TFDP2: variants seen among roughly 807,000 people sequenced by gnomAD.
TFDP2 encodes transcription factor Dp-2 (E2F dimerization partner 2).
In TFDP2, 17 loss-of-function variants were observed where a neutral mutation model predicts 59.3. The observed-to-expected ratio is 0.29, with a 90% confidence interval of 0.20 to 0.43. The LOEUF is 0.43. TFDP2 is among the 20% of genes least tolerant of loss of function. The pLI, the probability that TFDP2 is intolerant of heterozygous loss-of-function variation, is 1.00. For synonymous variants in TFDP2, 180 were observed against 194.7 expected (o/e 0.92, Z 0.63); for missense variants, 391 against 528.8 (o/e 0.74, Z 2.56).
At chr3:142,023,944 G>C (rs908468114) in intron 3 of TFDP2, among the ~76,000 whole-genome samples, 1 of 152,150 alleles carries the variant, frequency 6.6e-6, no homozygotes, top group South Asian at 2.1e-4. Flanking sequence ...GGGACCACAG[G>C]TGCGTGCCAC....
intron 3 of TFDP2, among the ~76,000 whole-genome samples, chr3:142,010,252 C>T (rs1056272520): frequency 6.6e-6 from 1 of 152,024 alleles, no homozygotes; most frequent in Non-Finnish European, 1.5e-5. Context: ...AAAATAAATC[C>T]GGTATATGAA....
At chr3:142,022,144 G>A (rs750017175) in intron 3 of TFDP2, among the ~76,000 whole-genome samples, 3 of 151,998 alleles carry the variant, frequency 2.0e-5, no homozygotes, top group African/African-American at 4.8e-5. Flanking sequence ...AATCCTTCCC[G>A]GCAGTTCTTC....
chr3:141,953,023 G>A lies in TFDP2; in HGVS notation c.1052-7C>T. The A allele has an allele frequency of 6.3e-7, 1 of 1,597,618 alleles. No homozygotes were observed. The highest frequency in any genetic ancestry group is 8.6e-7 in the Non-Finnish European group (1 of 1,167,212). On this transcript the variant is annotated splice_region_variant and splice_polypyrimidine_tract_variant and intron_variant, in intron 11 of 12. Transcript: ENST00000489671. ...GAAGGTCCTGTGGAGATATCTAAAG[G>A]AAAAAATGAGAACAAAAAATGTCGG...
intron 4 of TFDP2, among the ~76,000 whole-genome samples, chr3:141,999,238 T>A (rs1943551713): frequency 6.6e-6 from 1 of 152,246 alleles, no homozygotes; most frequent in Non-Finnish European, 1.5e-5. Context: ...ATAAATGTAT[T>A]TTCCTAATGA....
In TFDP2 at chr3:142,011,356, C is replaced by T. The variant is rs1252060100; in HGVS notation, c.83-5812G>A. Among the ~76,000 whole-genome samples the T allele has an allele frequency of 2.5e-4, 34 of 135,068 alleles. No individual in the cohort carries two copies. The South Asian group carries it at 5.9e-3, about 24-fold the overall frequency. 88.6% of individuals were successfully genotyped at this position (135,068 alleles called of 152,430 possible). A position where few individuals can be genotyped will look rare whatever the true frequency, so the allele number is the denominator to read the frequency against. On this transcript the variant is annotated intron_variant, in intron 3 of 12. Transcript: ENST00000489671. ...ATCGCAAGAACAAAAAACCAAACACCGCATATTCTCACTCATAGGTGGGAA... is the reference window on the plus strand; with the variant it reads ...ATCGCAAGAACAAAAAACCAAACACTGCATATTCTCACTCATAGGTGGGAA...
intron 1 of TFDP2, among the ~76,000 whole-genome samples, chr3:142,135,249 G>A (rs1015252090): frequency 6.6e-6 from 1 of 152,042 alleles, no homozygotes; most frequent in Non-Finnish European, 1.5e-5. Context: ...GGGACTATAG[G>A]CTGTGCCACT....
intron 6 of TFDP2, among the ~76,000 whole-genome samples, chr3:141,990,308 C>T (rs996388982): frequency 3.3e-5 from 5 of 150,626 alleles, no homozygotes; most frequent in African/African-American, 1.2e-4. Flanking sequence ...GGAGTCTCAC[C>T]CTGTTGCCCA....
At chr3:142,114,716 G>A (rs73233893) in intron 1 of TFDP2, among the ~76,000 whole-genome samples, 12,941 of 151,784 alleles carry the variant, frequency 0.085, 693 homozygotes, top group Middle Eastern at 0.14. Context: ...GTTGAATGAT[G>A]TATGTGCTCA....
chr3:141,993,848 A>T (rs1360524345), intron 5 of TFDP2, among the ~76,000 whole-genome samples: 1 of 152,226 alleles, frequency 6.6e-6, no homozygotes, highest in Non-Finnish European at 1.5e-5. Context: ...AGATAGAGAA[A>T]AATTTTCTTC....
At position 141,968,371 on chromosome 3, in the gene TFDP2, TAAC is replaced by T. The variant is rs1938538805; in HGVS notation, c.732+1699_732+1701del. On this transcript the variant is annotated intron_variant, in intron 9 of 12. Transcript: ENST00000489671. Reference sequence around the variant, plus strand: ...CTATATATAACATATATCTCATATATAACATATATCTCATATATATAACATATA... The same window carrying T: ...CTATATATAACATATATCTCATATATATATATCTCATATATATAACATATA... Among the ~76,000 whole-genome samples the T allele has an allele frequency of 1.7e-5, 2 of 118,322 alleles. 1 individual carries two copies. Among genetic ancestry groups the T allele is most frequent in the Admixed American group, 2.0e-4 (2 of 9,866 alleles). The allele number at this position is 118,322 out of a possible 152,430, so 77.6% of individuals were successfully genotyped here. A position where few individuals can be genotyped will look rare whatever the true frequency, so the allele number is the denominator to read the frequency against.
At chr3:142,023,343 T>C (rs6806443) in intron 3 of TFDP2, among the ~76,000 whole-genome samples, 131,779 of 149,832 alleles carry the variant, frequency 0.88, 58,205 homozygotes, top group African/African-American at 0.97. Flanking sequence ...TGCCACCACA[T>C]CTGGCTTTTT....
At position 142,093,104 on chromosome 3, in the gene TFDP2, T is replaced by G; in HGVS notation, c.39A>C (p.Ala13=). ...AKNVGLTSTN[A]EVRGFIDQNL... ...TCTGATCTATAAATCCTCTTACTTC[T>G]GCATTTGTGGAAGTCAAACCAACCT... is the stretch of plus-strand genomic sequence containing the variant. Residue 13 remains alanine, a synonymous_variant, in exon 3 of 13, where the codon GCA becomes GCC. Coordinates refer to ENST00000489671, the MANE Select transcript of TFDP2 (RefSeq NM_001178139.2). The G allele has an allele frequency of 6.5e-7, 1 of 1,542,048 alleles. No homozygotes were observed. The highest frequency in any genetic ancestry group is 8.7e-7 in the Non-Finnish European group (1 of 1,150,042).
intron 1 of TFDP2, chr3:142,126,229 A>T (rs2062243836): frequency 7.0e-6 from 1 of 141,982 alleles, no homozygotes; most frequent in Non-Finnish European, 1.5e-5. Context: ...ACCAGGCTGG[A>T]GTGAAGTGGC....
At chr3:142,120,060 A>G (rs2061991714) in intron 1 of TFDP2, among the ~76,000 whole-genome samples, 1 of 151,138 alleles carries the variant, frequency 6.6e-6, no homozygotes, top group South Asian at 2.1e-4. Context: ...AAAGAAAAAA[A>G]GAAAAGAAAA....
chr3:142,113,891 G>C lies in TFDP2; in HGVS notation c.-92-12050C>G, dbSNP rs139650318. On this transcript the variant is annotated intron_variant, in intron 1 of 12. Coordinates refer to ENST00000489671, the MANE Select transcript of TFDP2 (RefSeq NM_001178139.2). ...ATAACTCTACAGAATAGGGCCGGGC[G>C]GGGTGGCTCACGCCTGTAATCCCAG... 3.2e-3 allele frequency among the ~76,000 whole-genome samples: 481 copies of C among 152,252 alleles called. 2 individuals are homozygous for C. Among genetic ancestry groups the C allele is most frequent in the African/African-American group, 0.011 (456 of 41,562 alleles).
At chr3:141,994,817 G>A (rs768258035) in intron 5 of TFDP2, 9 of 422,262 alleles carry the variant, frequency 2.1e-5, no homozygotes, top group Non-Finnish European at 3.7e-5. Flanking sequence ...ATGAGTTATT[G>A]CACTGTTTTT....
chr3:142,101,689 G>C, intron 2 of TFDP2, 46 bp downstream of exon 2: 1 of 1,267,522 alleles, frequency 7.9e-7, no homozygotes, highest in South Asian at 1.8e-5. Flanking sequence ...AAAAAGCACA[G>C]CTCACTTTAA....
At chr3:142,038,843 C>T (rs1946822433) in intron 3 of TFDP2, among the ~76,000 whole-genome samples, 1 of 152,124 alleles carries the variant, frequency 6.6e-6, no homozygotes, top group African/African-American at 2.4e-5. Flanking sequence ...AAGAATATCA[C>T]AATATACTGT....
At chr3:142,023,490 T>TG (rs774346123) in intron 3 of TFDP2, among the ~76,000 whole-genome samples, 1 of 151,874 alleles carries the variant, frequency 6.6e-6, no homozygotes, top group East Asian at 2.0e-4. Flanking sequence ...CACGCCTGGC[T>TG]GGGGGGTACT....
Sources: allele counts gnomAD v4.1 joint callset (sites outside exome capture counted in the v4.1 genomes callset), GRCh38; gene constraint gnomAD v4.1.1; transcripts MANE v1.5; gene names NCBI Gene and HGNC (gene_info 2026-07-23, HGNC 2026-07-21).